SPIRE2: variants seen among roughly 807,000 people sequenced by gnomAD.
SPIRE2 encodes protein spire homolog 2.
Under a neutral mutation model 80.7 loss-of-function variants are expected in SPIRE2, and 76 were observed. That is an observed-to-expected ratio of 0.94 (90% confidence interval 0.78 to 1.14). The LOEUF (loss-of-function observed/expected upper bound fraction) is 1.14, where lower values mean the gene tolerates loss of function less well. Ranked by LOEUF, SPIRE2 falls within the 50% of genes most tolerant of loss-of-function variation. The pLI is 0.00. For synonymous variants in SPIRE2, 535 were observed against 432.6 expected, an observed-to-expected ratio of 1.24 and a Z score of -2.94; for missense variants, 1,196 against 1,015.3, an observed-to-expected ratio of 1.18 and a Z score of -2.42.
At chr16:89,842,942 C>G (rs1034613489) in intron 1 of SPIRE2, among the ~76,000 whole-genome samples, 1 of 152,252 alleles carries the variant, frequency 6.6e-6, no homozygotes, top group Non-Finnish European at 1.5e-5. Flanking sequence ...CTTCCTGGTT[C>G]TTGATGGCAT....
chr16:89,853,955 C>T (rs750082622), intron 3 of SPIRE2, among the ~76,000 whole-genome samples: 7 of 152,264 alleles, frequency 4.6e-5, no homozygotes, highest in African/African-American at 1.7e-4. Flanking sequence ...GAGCCCCAGA[C>T]GCTACTCAGA....
At chr16:89,832,903 C>T (rs2041400487) in intron 1 of SPIRE2, among the ~76,000 whole-genome samples, 1 of 152,054 alleles carries the variant, frequency 6.6e-6, no homozygotes, top group Non-Finnish European at 1.5e-5. Context: ...CTCACTGCAA[C>T]CTTAGCCTCC....
rs554322751 is a variant in SPIRE2, at chr16:89,834,564, G to A, written c.244+5770G>A. ...AACCTGCCCGCATTCGCGGTTGGCC[G>A]TCGTAGAAGGCCCCATAAGCATAGC... is the stretch of plus-strand genomic sequence containing the variant. On this transcript the variant is annotated intron_variant, in intron 1 of 14. Coordinates refer to ENST00000378247, the MANE Select transcript of SPIRE2 (RefSeq NM_032451.2). Among the ~76,000 whole-genome samples the A allele has an allele frequency of 8.3e-4, 86 of 104,180 alleles. 2 individuals carry two copies. The highest frequency in any genetic ancestry group is 2.7e-3 in the African/African-American group (72 of 26,554). The allele number at this position is 104,180 out of a possible 152,430, so 68.3% of individuals were successfully genotyped here.
chr16:89,851,620 G>A (rs1406186482), intron 3 of SPIRE2, among the ~76,000 whole-genome samples: 1 of 152,098 alleles, frequency 6.6e-6, no homozygotes, highest in African/African-American at 2.4e-5. Flanking sequence ...TCAGAGTTAG[G>A]AGCAACCATC....
chr16:89,857,855 C>T (rs2041705412), intron 7 of SPIRE2, among the ~76,000 whole-genome samples: 1 of 150,882 alleles, frequency 6.6e-6, no homozygotes, highest in African/African-American at 2.4e-5. Context: ...CAGGCGTGAG[C>T]CACCGCACCC....
chr16:89,849,862 G>T, intron 2 of SPIRE2: 1 of 256,014 alleles, frequency 3.9e-6, no homozygotes, highest in Middle Eastern at 1.5e-3. Flanking sequence ...TTTTGAGACA[G>T]AGTCTTGCTT....
intron 13 of SPIRE2, 95 bp downstream of exon 13, chr16:89,868,311 G>A (rs2041807565): frequency 8.0e-7 from 1 of 1,249,022 alleles, no homozygotes; most frequent in East Asian, 2.3e-5. Flanking sequence ...GCCTCACCAG[G>A]CACCTCATCC....
Position 89,863,749 on chromosome 16 carries a change from G to C in SPIRE2, c.1711-45G>C. On this transcript the variant is annotated intron_variant, in intron 11 of 14. Transcript: ENST00000378247. The surrounding 1 kb of genome is among the most constrained non-coding windows in gnomAD (Gnocchi z 4.3). Reference sequence around the variant, plus strand: ...GTAGCAGGGACAGGGCGGGACCCCAGGGAGCTTTGGACAAAGCGGGGCTCT... The same window carrying C: ...GTAGCAGGGACAGGGCGGGACCCCACGGAGCTTTGGACAAAGCGGGGCTCT... 6.2e-7 allele frequency: 1 copy of C among 1,610,304 alleles called. No individual in the cohort carries two copies. The highest frequency in any genetic ancestry group is 8.5e-7 in the Non-Finnish European group (1 of 1,176,648).
intron 1 of SPIRE2, among the ~76,000 whole-genome samples, chr16:89,837,899 C>T (rs1201150877): frequency 3.9e-5 from 6 of 152,226 alleles, no homozygotes; most frequent in Non-Finnish European, 8.8e-5. Context: ...CACATGGTTC[C>T]CTCTGACCCA....
chr16:89,851,022 T>C (rs1298334442), intron 3 of SPIRE2, among the ~76,000 whole-genome samples: 1 of 151,992 alleles, frequency 6.6e-6, no homozygotes, highest in African/African-American at 2.4e-5. Context: ...GGTTTCACCA[T>C]GTTGGCCAAG....
At chr16:89,839,966 G>C (rs1032144060) in intron 1 of SPIRE2, among the ~76,000 whole-genome samples, 1 of 152,244 alleles carries the variant, frequency 6.6e-6, no homozygotes, top group Non-Finnish European at 1.5e-5. Context: ...GCGTGAGATT[G>C]AGCAGGAGTC....
At chr16:89,829,307 G>A (rs1447605535) in intron 1 of SPIRE2, among the ~76,000 whole-genome samples, 4 of 152,234 alleles carry the variant, frequency 2.6e-5, no homozygotes, top group East Asian at 1.9e-4. Flanking sequence ...GTAAAGTTGG[G>A]GGGACAACCT....
rs200833018 is a variant in SPIRE2, at chr16:89,828,704, C to T, written c.154C>T (p.Arg52Trp). The T allele has an allele frequency of 7.6e-5, 97 of 1,272,870 alleles. No homozygotes were observed. Among genetic ancestry groups the T allele is most frequent in the Middle Eastern group, 6.1e-4 (2 of 3,276 alleles). 78.8% of individuals were successfully genotyped at this position (1,272,870 alleles called of 1,614,324 possible). Residue 52 changes from arginine (R) to tryptophan (W), a missense_variant, in exon 1 of 15, where the codon CGG becomes TGG. By Grantham distance (101) the Arg-to-Trp change is moderately radical. Transcript: ENST00000378247. The surrounding 1 kb of genome is among the most constrained non-coding windows in gnomAD (Gnocchi z 5.9). ...GTGCTTCCAGGGCTGCCGCGGGCTG[C>T]GGGGCTCGCCGGGCCGGCGCCTGCG... ...AVCFQGCRGL[R>W]GSPGRRLRDT...
chr16:89,839,874 C>T (rs975043672), intron 1 of SPIRE2, among the ~76,000 whole-genome samples: 6 of 152,240 alleles, frequency 3.9e-5, no homozygotes, highest in Admixed American at 3.3e-4. Context: ...GCCAGGGGGC[C>T]CTGGTGGCCT....
rs143813113 is a variant in SPIRE2, at chr16:89,860,917, G to A, written c.1575+122G>A. ...CCTGTCTGGGGGGTGTGGCCTGAGC[G>A]TCCGTCTGGGGGGGCGCGGTCTGAA... On this transcript the variant is annotated intron_variant, in intron 10 of 14. Transcript: ENST00000378247. 1.2e-3 allele frequency: 754 copies of A among 604,910 alleles called. 3 individuals are homozygous for A. In the African/African-American group the frequency reaches 0.013, roughly 11 times the overall value. The allele number at this position is 604,910 out of a possible 1,614,324, so 37.5% of individuals were successfully genotyped here. A position where few individuals can be genotyped will look rare whatever the true frequency, so the allele number is the denominator to read the frequency against.
At position 89,849,372 on chromosome 16, in the gene SPIRE2, T is replaced by C. The variant is rs536242364; in HGVS notation, c.289-932T>C. 2.0e-5 allele frequency among the ~76,000 whole-genome samples: 3 copies of C among 152,322 alleles called. No individual in the cohort carries two copies. In the East Asian group the frequency reaches 5.8e-4, roughly 29 times the overall value. Reference sequence around the variant, plus strand: ...CGACCTCTCCATGCCTCCGTCCCTGTCCCCACGTCAGTGTGGCTCGAGGTG... The same window carrying C: ...CGACCTCTCCATGCCTCCGTCCCTGCCCCCACGTCAGTGTGGCTCGAGGTG... On this transcript the variant is annotated intron_variant, in intron 2 of 14. Coordinates refer to ENST00000378247, the MANE Select transcript of SPIRE2 (RefSeq NM_032451.2).
chr16:89,869,278 C>G (rs922745150), intron 13 of SPIRE2, among the ~76,000 whole-genome samples: 3 of 151,546 alleles, frequency 2.0e-5, no homozygotes, highest in African/African-American at 4.8e-5. Flanking sequence ...CTCTAAGGAG[C>G]CCCTGTCCAG....
chr16:89,867,571 AG>A lies in SPIRE2; in HGVS notation c.1779-615del, dbSNP rs550952634. Among the ~76,000 whole-genome samples the A allele has an allele frequency of 8.4e-4, 124 of 148,426 alleles. 1 individual carries two copies. The highest frequency in any genetic ancestry group is 3.0e-3 in the African/African-American group (119 of 40,074). On this transcript the variant is annotated intron_variant, in intron 12 of 14. Transcript: ENST00000378247. ...GTTCAGAAACAAAAATCTGCTTAAG[AG>A]GGACTTTTACCACCATTTTTTTTTT...
intron 12 of SPIRE2, among the ~76,000 whole-genome samples, chr16:89,866,350 T>G (rs1188912932): frequency 6.6e-6 from 1 of 152,154 alleles, no homozygotes; most frequent in African/African-American, 2.4e-5. Context: ...CAGTCGGAAG[T>G]GCAATGCCGC....
Sources: allele counts gnomAD v4.1 joint callset (sites outside exome capture counted in the v4.1 genomes callset), GRCh38; gene constraint gnomAD v4.1.1; non-coding constraint Gnocchi (gnomAD v3.1); transcripts MANE v1.5; gene names NCBI Gene and HGNC (gene_info 2026-07-23, HGNC 2026-07-21).